The following GPR158 variants were observed in gnomAD, a reference collection of about 807,000 sequenced individuals.
GPR158 encodes the protein metabotropic glycine receptor.
GPR158 carries 30 observed loss-of-function variants against 78.2 expected under a neutral mutation model. The observed-to-expected ratio is 0.38, with a 90% CI of 0.29 to 0.52. GPR158 has a LOEUF of 0.52. Among genes scored for constraint, GPR158 ranks in the 20% least tolerant of loss-of-function variants. The pLI, the probability that GPR158 is intolerant of heterozygous loss-of-function variation, is 0.83. For missense variants in GPR158, 1,463 were observed against 1,523.5 expected, an observed-to-expected ratio of 0.96 and a Z score of 0.66; for synonymous variants, 581 against 591.1, an observed-to-expected ratio of 0.98 and a Z score of 0.25.
At chr10:25,283,801 T>G (rs1489968462) in intron 2 of GPR158, among the ~76,000 whole-genome samples, 2 of 152,064 alleles carry the variant, frequency 1.3e-5, no homozygotes, top group African/African-American at 4.8e-5. Context: ...TTTGATATAT[T>G]GTATTTTTAT....
At chr10:25,566,033 T>C (rs964174312) in intron 6 of GPR158, among the ~76,000 whole-genome samples, 1 of 152,160 alleles carries the variant, frequency 6.6e-6, no homozygotes, top group Non-Finnish European at 1.5e-5. Context: ...ATGTCTTAGA[T>C]TTTGAGGAAA....
chr10:25,304,790 G>T (rs760518995), intron 2 of GPR158, among the ~76,000 whole-genome samples: 4 of 152,058 alleles, frequency 2.6e-5, no homozygotes, highest in Admixed American at 1.3e-4. Context: ...TTGGCATTGC[G>T]TCTGAGAATA....
intron 1 of GPR158, among the ~76,000 whole-genome samples, chr10:25,186,617 A>C (rs144174850): frequency 0.014 from 2,160 of 152,310 alleles, 53 homozygotes; most frequent in African/African-American, 0.05. Flanking sequence ...AAACTAGAAA[A>C]TCTAGAAGAA....
chr10:25,559,289 G>T (rs992667240), intron 6 of GPR158, among the ~76,000 whole-genome samples: 5 of 152,084 alleles, frequency 3.3e-5, no homozygotes, highest in African/African-American at 1.2e-4. Context: ...ATTGGTGTTA[G>T]CATGGTATTT....
At chr10:25,382,348 T>C (rs569701139) in intron 2 of GPR158, among the ~76,000 whole-genome samples, 1 of 152,228 alleles carries the variant, frequency 6.6e-6, no homozygotes, top group Non-Finnish European at 1.5e-5. Flanking sequence ...GATGCTGTGT[T>C]GCTATCCCTT....
intron 5 of GPR158, among the ~76,000 whole-genome samples, chr10:25,471,013 G>C (rs1835491875): frequency 6.6e-6 from 1 of 151,856 alleles, no homozygotes; most frequent in Non-Finnish European, 1.5e-5. Context: ...CAATGTGCAG[G>C]ATTGTTACAT....
intron 5 of GPR158, among the ~76,000 whole-genome samples, chr10:25,490,991 G>A (rs935195769): frequency 2.7e-5 from 4 of 146,050 alleles, no homozygotes; most frequent in African/African-American, 8.4e-5. Flanking sequence ...AATTTGTGTT[G>A]GGGGGGTCCT....
chr10:25,599,214 A>G lies in GPR158; in HGVS notation c.3588A>G (p.Leu1196=), dbSNP rs191664661. The part of the protein sequence containing the change: ...RSVALPASSA[L]SANKIAGPRK... ...TAGCTTTACCTGCCTCTTCTGCTCTAAGTGCAAATAAGATAGCAGGGCCTA... is the reference window on the plus strand; with the variant it reads ...TAGCTTTACCTGCCTCTTCTGCTCTGAGTGCAAATAAGATAGCAGGGCCTA... Residue 1196 remains leucine, a synonymous_variant, in exon 11 of 11, where the codon CTA becomes CTG. Coordinates refer to ENST00000376351, the MANE Select transcript of GPR158 (RefSeq NM_020752.3). 3.1e-6 allele frequency: 5 copies of G among 1,612,468 alleles called. No homozygotes were observed. The East Asian group carries it at 1.1e-4, about 36-fold the overall frequency.
At chr10:25,274,472 T>C (rs985736673) in intron 2 of GPR158, among the ~76,000 whole-genome samples, 3 of 152,244 alleles carry the variant, frequency 2.0e-5, no homozygotes, top group Non-Finnish European at 4.4e-5. Flanking sequence ...TTGGTATTCA[T>C]TAGTTTGCAA....
At chr10:25,232,420 C>A (rs1026332836) in intron 2 of GPR158, among the ~76,000 whole-genome samples, 7 of 152,116 alleles carry the variant, frequency 4.6e-5, no homozygotes, top group African/African-American at 1.4e-4. Context: ...TGCTTGGCAG[C>A]CCCCTTTTTG....
chr10:25,396,691 G>A (rs1834366825), intron 3 of GPR158, among the ~76,000 whole-genome samples: 1 of 152,154 alleles, frequency 6.6e-6, no homozygotes, highest in East Asian at 1.9e-4. Context: ...TCTACTTGCT[G>A]TTATTTGCAT....
rs2130672687 is a variant in GPR158, at chr10:25,514,154, G to A, written c.1405-36822G>A. 1.3e-5 allele frequency among the ~76,000 whole-genome samples: 2 copies of A among 152,086 alleles called. 1 individual carries two copies. Reference sequence around the variant, plus strand: ...GTGTTGCAGTCTGTCTCATTTCTTAGGTCTAGTATTGTTTTATAAATTTGG... The same window carrying A: ...GTGTTGCAGTCTGTCTCATTTCTTAAGTCTAGTATTGTTTTATAAATTTGG... On this transcript the variant is annotated intron_variant, in intron 5 of 10. Transcript: ENST00000376351.
At chr10:25,211,718 C>T (rs1032756490) in intron 1 of GPR158, among the ~76,000 whole-genome samples, 13 of 152,144 alleles carry the variant, frequency 8.5e-5, no homozygotes, top group Non-Finnish European at 1.9e-4. Context: ...CTTATGTTAT[C>T]AACTACTATA....
intron 2 of GPR158, among the ~76,000 whole-genome samples, chr10:25,308,999 A>T (rs559119374): frequency 1.1e-4 from 17 of 152,300 alleles, no homozygotes; most frequent in Middle Eastern, 3.4e-3. Flanking sequence ...ATTGTAAATA[A>T]TGCTGGTATA....
intron 2 of GPR158, among the ~76,000 whole-genome samples, chr10:25,321,127 T>C (rs189560417): frequency 5.3e-5 from 8 of 152,326 alleles, no homozygotes; most frequent in Admixed American, 3.9e-4. Flanking sequence ...GTTTCCTCAA[T>C]TGCAAAATTA....
intron 1 of GPR158, among the ~76,000 whole-genome samples, chr10:25,203,128 G>A (rs1031673042): frequency 6.6e-6 from 1 of 151,930 alleles, no homozygotes; most frequent in African/African-American, 2.4e-5. Flanking sequence ...AATTTGTTTA[G>A]GTTCTTTGTA....
intron 5 of GPR158, among the ~76,000 whole-genome samples, chr10:25,540,725 A>G (rs575723154): frequency 7.4e-5 from 11 of 147,772 alleles, no homozygotes; most frequent in Non-Finnish European, 1.6e-4. Flanking sequence ...TCTCACTCAT[A>G]GGTGGGAATT....
Position 25,598,001 on chromosome 10 carries a change from C to A in GPR158, c.2375C>A (p.Pro792His), listed in dbSNP as rs1305861409. The A allele has an allele frequency of 6.2e-7, 1 of 1,614,060 alleles. No homozygotes were observed. The highest frequency in any genetic ancestry group is 1.6e-4 in the Middle Eastern group (1 of 6,062). ...GGCACTGCCCTCATCAGGAAGAACC[C>A]CCCAGAGTCTTCAGGGAACACAGGG... ...AKGTALIRKNPPESSGNTGKS... is the reference protein window; with the variant it reads ...AKGTALIRKNHPESSGNTGKS... The change falls in exon 11 of 11, where the codon CCC (proline) becomes CAC (histidine). Residue 792 changes from proline to histidine, a missense_variant. Transcript: ENST00000376351.
intron 7 of GPR158, among the ~76,000 whole-genome samples, chr10:25,578,608 A>G (rs1837139071): frequency 6.6e-6 from 1 of 152,240 alleles, no homozygotes; most frequent in Non-Finnish European, 1.5e-5. Flanking sequence ...AAGGAAAACT[A>G]TAACTTAAAA....
Sources: allele counts gnomAD v4.1 joint callset (sites outside exome capture counted in the v4.1 genomes callset), GRCh38; gene constraint gnomAD v4.1.1; transcripts MANE v1.5; gene names NCBI Gene and HGNC (gene_info 2026-07-23, HGNC 2026-07-21).